The following SLC35F4 variants were observed in gnomAD, a reference collection of about 807,000 sequenced individuals.
SLC35F4 encodes solute carrier family 35 member F4, also known as chromosome 14 open reading frame 36.
SLC35F4 carries 24 observed loss-of-function variants against 44.2 expected under a neutral mutation model. The observed-to-expected ratio is 0.54, with a 90% CI of 0.39 to 0.76. The LOEUF (loss-of-function observed/expected upper bound fraction) is 0.76, where lower values mean the gene tolerates loss of function less well. SLC35F4 is among the 30% of genes least tolerant of loss of function. SLC35F4 has a pLI of 0.00. For synonymous variants in SLC35F4, 238 were observed against 223.6 expected (o/e 1.06, Z -0.57); for missense variants, 562 against 586.1 (o/e 0.96, Z 0.42).
intron 1 of SLC35F4, among the ~76,000 whole-genome samples, chr14:57,836,376 T>A (rs1884921168): frequency 6.6e-6 from 1 of 152,192 alleles, no homozygotes. Flanking sequence ...CACTGCAACC[T>A]CCGACTCCCT....
At chr14:57,979,054 C>G (rs181818022) in intron 1 of SLC35F4, among the ~76,000 whole-genome samples, 4 of 152,298 alleles carry the variant, frequency 2.6e-5, no homozygotes, top group Admixed American at 2.0e-4. Flanking sequence ...ATTGCAACAA[C>G]CATGACTGGA....
At chr14:57,679,954 A>T (rs1288213696) in intron 1 of SLC35F4, among the ~76,000 whole-genome samples, 1 of 152,098 alleles carries the variant, frequency 6.6e-6, no homozygotes. Context: ...CACAAAGAGG[A>T]GCTGGTACCA....
intron 1 of SLC35F4, among the ~76,000 whole-genome samples, chr14:57,797,452 A>G (rs920081532): frequency 6.6e-6 from 1 of 152,206 alleles, no homozygotes; most frequent in Admixed American, 6.5e-5. Context: ...CGCTTTGCCC[A>G]TTAAAATATA....
At chr14:57,872,625 G>A (rs1020932919) in intron 1 of SLC35F4, among the ~76,000 whole-genome samples, 1 of 152,092 alleles carries the variant, frequency 6.6e-6, no homozygotes, top group African/African-American at 2.4e-5. Flanking sequence ...GCTCAAGCAC[G>A]TACAACCTGA....
chr14:57,943,643 C>T (rs1479744799), intron 1 of SLC35F4, among the ~76,000 whole-genome samples: 1 of 152,222 alleles, frequency 6.6e-6, no homozygotes, highest in African/African-American at 2.4e-5. Flanking sequence ...ACCGCCTCCA[C>T]ACAACCCAGA....
chr14:57,955,124 A>G (rs1382124281), intron 1 of SLC35F4, among the ~76,000 whole-genome samples: 1 of 152,180 alleles, frequency 6.6e-6, no homozygotes, highest in East Asian at 1.9e-4. Flanking sequence ...CCTGGTATGC[A>G]AGGCTGGTAC....
chr14:57,746,320 A>G (rs1402529053), intron 1 of SLC35F4, among the ~76,000 whole-genome samples: 1 of 152,170 alleles, frequency 6.6e-6, no homozygotes, highest in African/African-American at 2.4e-5. Flanking sequence ...AATCAGGTTG[A>G]TAAAGTCCCC....
At chr14:57,583,281 T>C (rs963031498) in intron 3 of SLC35F4, among the ~76,000 whole-genome samples, 2 of 152,196 alleles carry the variant, frequency 1.3e-5, no homozygotes, top group Non-Finnish European at 2.9e-5. Context: ...TTTCTGTACT[T>C]ATAAGGCGAT....
intron 1 of SLC35F4, among the ~76,000 whole-genome samples, chr14:57,658,416 C>T (rs770829926): frequency 3.9e-5 from 6 of 152,170 alleles, no homozygotes; most frequent in Non-Finnish European, 8.8e-5. Flanking sequence ...GTGCTTGTCA[C>T]AGTGACAGTG....
chr14:57,777,415 G>A (rs1004673144), intron 1 of SLC35F4, among the ~76,000 whole-genome samples: 2 of 152,160 alleles, frequency 1.3e-5, no homozygotes, highest in African/African-American at 4.8e-5. Flanking sequence ...AAGAAAATGT[G>A]GCACATATAC....
At chr14:57,866,403 G>A (rs181306027), upstream of SLC35F4, among the ~76,000 whole-genome samples, 8 of 152,000 alleles carry the variant, frequency 5.3e-5, no homozygotes, top group Non-Finnish European at 1.0e-4. Context: ...CACGCTTGGC[G>A]TCTACACCAC....
chr14:57,957,034 C>T (rs1453151687), intron 1 of SLC35F4, among the ~76,000 whole-genome samples: 1 of 152,228 alleles, frequency 6.6e-6, no homozygotes, highest in Non-Finnish European at 1.5e-5. Flanking sequence ...AGACTTGGAA[C>T]TAACCCAAAC....
chr14:57,688,792 A>C (rs2075142328), intron 1 of SLC35F4, among the ~76,000 whole-genome samples: 1 of 152,144 alleles, frequency 6.6e-6, no homozygotes, highest in Admixed American at 6.6e-5. Context: ...TTAAGTGACA[A>C]ATGCTTGAAA....
At chr14:57,945,439 ATG>A (rs58976756) in intron 1 of SLC35F4, among the ~76,000 whole-genome samples, 14,057 of 104,366 alleles carry the variant, frequency 0.13, 1,115 homozygotes, top group African/African-American at 0.15. Flanking sequence ...AGCAATGATA[ATG>A]TGTGTGTGTG....
At chr14:57,772,600 A>T (rs558249092) in intron 1 of SLC35F4, among the ~76,000 whole-genome samples, 2 of 152,192 alleles carry the variant, frequency 1.3e-5, no homozygotes, top group Non-Finnish European at 2.9e-5. Context: ...GTTTCCACTT[A>T]TAAGTGAGGA....
intron 1 of SLC35F4, among the ~76,000 whole-genome samples, chr14:57,653,602 AAAC>A (rs1396534117): frequency 1.3e-5 from 2 of 152,220 alleles, no homozygotes; most frequent in East Asian, 3.9e-4. Flanking sequence ...TTAGATTTTA[AAAC>A]AACTGTCAGA....
At chr14:57,607,219 G>T (rs1229529767) in intron 1 of SLC35F4, among the ~76,000 whole-genome samples, 1 of 152,112 alleles carries the variant, frequency 6.6e-6, no homozygotes, top group Non-Finnish European at 1.5e-5. Context: ...AAATATTTAT[G>T]CCTTGTTCAT....
chr14:57,853,161 C>T (rs966274105), intron 1 of SLC35F4, among the ~76,000 whole-genome samples: 1 of 152,170 alleles, frequency 6.6e-6, no homozygotes, highest in Non-Finnish European at 1.5e-5. Flanking sequence ...TTCAATGAAG[C>T]TTAACAAGTA....
chr14:57,818,985 A>G (rs1022517047), intron 1 of SLC35F4, among the ~76,000 whole-genome samples: 2 of 152,226 alleles, frequency 1.3e-5, no homozygotes, highest in Non-Finnish European at 2.9e-5. Flanking sequence ...CAAGACAAGA[A>G]TCTCTGCTAT....
Sources: allele counts gnomAD v4.1 joint callset (sites outside exome capture counted in the v4.1 genomes callset), GRCh38; gene constraint gnomAD v4.1.1; transcripts MANE v1.5; gene names NCBI Gene and HGNC (gene_info 2026-07-23, HGNC 2026-07-21).